Variants in SAXO1 observed in about 807,000 individuals in gnomAD.
The protein encoded by SAXO1 is 4930500O09Rik.
In SAXO1, 21 loss-of-function variants were observed where a neutral mutation model predicts 17.5. The observed-to-expected ratio is 1.20, with a 90% CI of 0.85 to 1.72. SAXO1 has a LOEUF of 1.72. SAXO1 is among the 40% of genes most tolerant of loss of function. The pLI is 0.00. For missense variants in SAXO1, 843 were observed against 596.0 expected (o/e 1.41, Z -4.32); for synonymous variants, 274 against 216.5 (o/e 1.27, Z -2.33).
intron 1 of SAXO1, among the ~76,000 whole-genome samples, chr9:18,980,842 C>G (rs1001309847): frequency 6.9e-6 from 1 of 144,156 alleles, no homozygotes; most frequent in African/African-American, 2.7e-5. Context: ...AAAAACTCAT[C>G]GAGAACCCTC....
In SAXO1 at chr9:18,928,550, G is replaced by T; in HGVS notation, c.927C>A (p.Ala309=). Residue 309 remains alanine (A), a synonymous_variant, in exon 4 of 4, where the codon GCC becomes GCA. Transcript: ENST00000380534. ...GGGCACCCTTAGGGCATGTGTAATG[G>T]GCCTGCACTGTTGTCAGAAGATCCA... ...DRMDLLTTVQ[A]HYTCPKGAPA... is the part of the protein sequence containing the mutation. The T allele has an allele frequency of 6.2e-7, 1 of 1,614,096 alleles. No individual in the cohort carries two copies. Among genetic ancestry groups the T allele is most frequent in the Non-Finnish European group, 8.5e-7 (1 of 1,180,002 alleles).
intron 3 of SAXO1, among the ~76,000 whole-genome samples, chr9:18,931,413 A>T (rs1220836520): frequency 6.6e-6 from 1 of 152,200 alleles, no homozygotes; most frequent in East Asian, 1.9e-4. Context: ...TCACCAATTG[A>T]TGGACATTTT....
intron 1 of SAXO1, among the ~76,000 whole-genome samples, chr9:18,996,179 C>T (rs1422175253): frequency 6.6e-6 from 1 of 152,138 alleles, no homozygotes; most frequent in Non-Finnish European, 1.5e-5. Flanking sequence ...TCATCCATTC[C>T]TCACAATTAT....
intron 1 of SAXO1, among the ~76,000 whole-genome samples, chr9:18,989,618 C>T (rs1563964907): frequency 6.6e-6 from 1 of 151,826 alleles, no homozygotes; most frequent in Non-Finnish European, 1.5e-5. Context: ...ATGTTTAGTA[C>T]TTTCAGGCTT....
intron 2 of SAXO1, among the ~76,000 whole-genome samples, chr9:18,945,221 G>A (rs1344467576): frequency 6.6e-6 from 1 of 152,112 alleles, no homozygotes; most frequent in African/African-American, 2.4e-5. Flanking sequence ...CCACCCATCA[G>A]ATCTGATTCC....
At chr9:18,937,601 C>T (rs545548003) in intron 3 of SAXO1, among the ~76,000 whole-genome samples, 22 of 152,232 alleles carry the variant, frequency 1.4e-4, no homozygotes, top group African/African-American at 5.1e-4. Context: ...GAGGTGAGGC[C>T]TTTTGGGAAA....
At chr9:19,011,871 G>A (rs1315135275) in intron 1 of SAXO1, among the ~76,000 whole-genome samples, 1 of 130,414 alleles carries the variant, frequency 7.7e-6, no homozygotes, top group South Asian at 2.4e-4. Flanking sequence ...TTTTGAGATG[G>A]AGTCTCATTC....
At chr9:19,026,876 A>G in intron 1 of SAXO1, 1 of 697,086 alleles carries the variant, frequency 1.4e-6, no homozygotes, top group Non-Finnish European at 2.7e-6. Flanking sequence ...TAAAAATTCA[A>G]AAACTAGAAA....
At chr9:18,938,911 C>G (rs1371128349) in intron 3 of SAXO1, among the ~76,000 whole-genome samples, 1 of 150,204 alleles carries the variant, frequency 6.7e-6, no homozygotes, top group Non-Finnish European at 1.5e-5. Context: ...GAGGACTTCT[C>G]TTTAAATGCT....
chr9:18,951,919 T>C (rs1832054869), intron 1 of SAXO1, among the ~76,000 whole-genome samples: 1 of 152,340 alleles, frequency 6.6e-6, no homozygotes, highest in Non-Finnish European at 1.5e-5. Flanking sequence ...TAAATATTTA[T>C]TGAATGAAAG....
In SAXO1 at chr9:19,027,963, G is replaced by C. The variant is rs866441634; in HGVS notation, c.38+4908C>G. 42 of 1,499,562 alleles carry C rather than the reference G, an allele frequency of 2.8e-5. 1 individual carries two copies. The highest frequency in any genetic ancestry group is 4.0e-4 in the Middle Eastern group (2 of 5,046). The allele number at this position is 1,499,562 out of a possible 1,614,324, so 92.9% of individuals were successfully genotyped here. A position where few individuals can be genotyped will look rare whatever the true frequency, so the allele number is the denominator to read the frequency against. On this transcript the variant is annotated intron_variant, in intron 1 of 3. Coordinates refer to ENST00000380534, the MANE Select transcript of SAXO1 (RefSeq NM_153707.4). Reference sequence around the variant, plus strand: ...CAGTCCTGACGTGAACTGCGAGGGAGCTGACCCGCTGCACAGATGACTTCA... The same window carrying C: ...CAGTCCTGACGTGAACTGCGAGGGACCTGACCCGCTGCACAGATGACTTCA...
At chr9:18,964,454 GTTA>G (rs923170649) in intron 1 of SAXO1, among the ~76,000 whole-genome samples, 2 of 152,156 alleles carry the variant, frequency 1.3e-5, no homozygotes, top group Non-Finnish European at 2.9e-5. Flanking sequence ...TTCAGAACTT[GTTA>G]TTGGTCTATT....
intron 2 of SAXO1, among the ~76,000 whole-genome samples, chr9:18,948,976 T>C (rs1042036329): frequency 1.3e-5 from 2 of 152,200 alleles, no homozygotes; most frequent in African/African-American, 4.8e-5. Flanking sequence ...ATGTCCCTTA[T>C]ACATGTGCCT....
intron 1 of SAXO1, among the ~76,000 whole-genome samples, chr9:19,001,432 T>C (rs1245363318): frequency 1.3e-5 from 2 of 151,674 alleles, no homozygotes; most frequent in African/African-American, 4.8e-5. Flanking sequence ...CTTTGGGAGG[T>C]TGAAGCAGGT....
chr9:18,950,599 T>C (rs559765979), intron 2 of SAXO1, among the ~76,000 whole-genome samples, 159 bp downstream of exon 2: 1 of 152,384 alleles, frequency 6.6e-6, no homozygotes, highest in African/African-American at 2.4e-5. Flanking sequence ...TGCAGGATAT[T>C]CCTTCAGAGA....
At chr9:18,936,640 C>T (rs1018533240) in intron 3 of SAXO1, among the ~76,000 whole-genome samples, 5 of 152,218 alleles carry the variant, frequency 3.3e-5, no homozygotes, top group Non-Finnish European at 7.3e-5. Context: ...TGAAAAACCT[C>T]AGAATTTCAC....
At chr9:18,975,633 G>A (rs973363245) in intron 1 of SAXO1, among the ~76,000 whole-genome samples, 2 of 152,162 alleles carry the variant, frequency 1.3e-5, no homozygotes, top group African/African-American at 4.8e-5. Context: ...TAGTGAGAAG[G>A]CCTCTACAGC....
intron 2 of SAXO1, among the ~76,000 whole-genome samples, chr9:18,947,198 G>A (rs141974376): frequency 1.6e-4 from 24 of 152,330 alleles, no homozygotes; most frequent in African/African-American, 5.8e-4. Flanking sequence ...GTACAGCTCT[G>A]AGTAAGAGAG....
chr9:18,978,598 C>T (rs1377604558), intron 1 of SAXO1, among the ~76,000 whole-genome samples: 2 of 152,220 alleles, frequency 1.3e-5, no homozygotes, highest in Non-Finnish European at 2.9e-5. Context: ...GCTGCACTCG[C>T]AGATGCCCCA....
Sources: gnomAD v4.1 joint callset for allele counts (sites outside exome capture counted in the v4.1 genomes callset) on GRCh38, gnomAD v4.1.1 for gene constraint, MANE v1.5 for transcripts, NCBI Gene and HGNC (gene_info 2026-07-23, HGNC 2026-07-21) for gene names.